Variants in TRMT9B observed in about 807,000 individuals in gnomAD.
TRMT9B encodes probable tRNA methyltransferase 9B.
Under a neutral mutation model 11.5 loss-of-function variants are expected in TRMT9B, and 16 were observed. The observed-to-expected ratio is 1.39, with a 90% CI of 0.94 to 2.11. TRMT9B has a LOEUF of 2.11. TRMT9B is among the 30% of genes most tolerant of loss of function. The probability of loss-of-function intolerance (pLI) is 0.00; values close to 1 mark genes in which losing one functional copy is unlikely to be tolerated. For missense variants in TRMT9B, 941 were observed against 553.8 expected (o/e 1.70, Z -7.02); for synonymous variants, 274 against 192.4 (o/e 1.42, Z -3.51).
At chr8:12,959,073 C>T (rs1219047705) in intron 1 of TRMT9B, among the ~76,000 whole-genome samples, 1 of 151,980 alleles carries the variant, frequency 6.6e-6, no homozygotes, top group Non-Finnish European at 1.5e-5. Context: ...GCACATGTAC[C>T]CTAGAACTTA....
At chr8:12,968,029 C>T (rs952611246) in intron 1 of TRMT9B, among the ~76,000 whole-genome samples, 1 of 152,154 alleles carries the variant, frequency 6.6e-6, no homozygotes, top group Non-Finnish European at 1.5e-5. Context: ...GGACTACAGG[C>T]ACACACCACC....
chr8:12,963,874 C>G (rs555448730), intron 1 of TRMT9B, among the ~76,000 whole-genome samples: 2 of 152,226 alleles, frequency 1.3e-5, no homozygotes, highest in Admixed American at 1.3e-4. Flanking sequence ...CATGATAGAT[C>G]TGTGGACATG....
At chr8:13,006,780 T>C in intron 3 of TRMT9B, 1 of 520,378 alleles carries the variant, frequency 1.9e-6, no homozygotes, top group Non-Finnish European at 2.8e-6. Flanking sequence ...CTGATTCTCC[T>C]GCCTCAGACT....
At chr8:12,980,955 T>G (rs942530001) in intron 1 of TRMT9B, among the ~76,000 whole-genome samples, 2 of 152,216 alleles carry the variant, frequency 1.3e-5, no homozygotes, top group African/African-American at 4.8e-5. Flanking sequence ...TGTGTTTCTT[T>G]GATCACTGCA....
At chr8:12,969,689 G>T (rs1803316065) in intron 1 of TRMT9B, among the ~76,000 whole-genome samples, 1 of 151,096 alleles carries the variant, frequency 6.6e-6, no homozygotes, top group African/African-American at 2.4e-5. Flanking sequence ...TTTAGAGAGT[G>T]AGTGTCTCTC....
intron 1 of TRMT9B, among the ~76,000 whole-genome samples, chr8:12,977,347 G>T (rs118111649): frequency 6.6e-6 from 1 of 152,154 alleles, no homozygotes; most frequent in Non-Finnish European, 1.5e-5. Flanking sequence ...CACGACCCCA[G>T]TGGAGCAAGC....
chr8:13,023,853 G>A lies in TRMT9B; in HGVS notation c.*1809G>A, dbSNP rs1025391131. The A allele has an allele frequency of 2.4e-5, 4 of 166,690 alleles. No homozygotes were observed. Among genetic ancestry groups the A allele is most frequent in the African/African-American group, 9.7e-5 (4 of 41,364 alleles). The allele number at this position is 166,690 out of a possible 1,614,324, so 10.3% of individuals were successfully genotyped here. A position where few individuals can be genotyped will look rare whatever the true frequency, so the allele number is the denominator to read the frequency against. The stretch of plus-strand genomic sequence containing the variant: ...ATATTTTTAAAGCGTATCTGAAAAC[G>A]ATTGATGTTTATAACTCTCTTTTGG... On this transcript the variant is annotated 3_prime_UTR_variant, in exon 5 of 5. Coordinates refer to ENST00000524591, the MANE Select transcript of TRMT9B (RefSeq NM_020844.3).
chr8:12,987,074 G>A (rs1056809781), intron 1 of TRMT9B, among the ~76,000 whole-genome samples: 10 of 152,034 alleles, frequency 6.6e-5, no homozygotes, highest in East Asian at 1.9e-4. Flanking sequence ...CTCTTATTTC[G>A]CCATTTGCTT....
At chr8:12,973,431 C>G (rs1803938075) in intron 1 of TRMT9B, among the ~76,000 whole-genome samples, 1 of 152,176 alleles carries the variant, frequency 6.6e-6, no homozygotes. Flanking sequence ...ACACAGTGGT[C>G]TGGACCAAGC....
At chr8:13,020,326 A>G (rs910611349) in intron 4 of TRMT9B, among the ~76,000 whole-genome samples, 1 of 152,240 alleles carries the variant, frequency 6.6e-6, no homozygotes, top group Non-Finnish European at 1.5e-5. Flanking sequence ...GGCAGATAAA[A>G]TTATGCCTAA....
chr8:12,979,223 G>T (rs1289090550), intron 1 of TRMT9B, among the ~76,000 whole-genome samples: 1 of 152,090 alleles, frequency 6.6e-6, no homozygotes, highest in Non-Finnish European at 1.5e-5. Flanking sequence ...CTGTTCTCAG[G>T]GCCCAGTTTT....
chr8:12,985,985 C>T (rs931921625), intron 1 of TRMT9B, among the ~76,000 whole-genome samples: 7 of 152,108 alleles, frequency 4.6e-5, no homozygotes, highest in Non-Finnish European at 1.0e-4. Flanking sequence ...CCTCAGCCTC[C>T]TGAGCAGCTG....
intron 1 of TRMT9B, among the ~76,000 whole-genome samples, chr8:12,989,550 T>C (rs1308217815): frequency 6.6e-6 from 1 of 152,162 alleles, no homozygotes; most frequent in African/African-American, 2.4e-5. Flanking sequence ...GTACTCTTAC[T>C]GATGGGGGCG....
At chr8:12,986,899 G>A (rs1207979561) in intron 1 of TRMT9B, among the ~76,000 whole-genome samples, 1 of 151,886 alleles carries the variant, frequency 6.6e-6, no homozygotes, top group Admixed American at 6.6e-5. Context: ...TGCCTTCATT[G>A]TGGACCCATC....
intron 1 of TRMT9B, among the ~76,000 whole-genome samples, chr8:12,949,505 A>G (rs1800434253): frequency 6.6e-6 from 1 of 152,132 alleles, no homozygotes; most frequent in Admixed American, 6.5e-5. Flanking sequence ...CCTTTCCCAC[A>G]ACCATTACCC....
intron 1 of TRMT9B, among the ~76,000 whole-genome samples, chr8:12,967,544 C>G (rs1478823824): frequency 6.6e-6 from 1 of 152,174 alleles, no homozygotes; most frequent in Non-Finnish European, 1.5e-5. Flanking sequence ...CAACTCAGAC[C>G]CTCTTCAATT....
chr8:12,994,349 T>A (rs1478793539), intron 2 of TRMT9B, among the ~76,000 whole-genome samples: 2 of 152,170 alleles, frequency 1.3e-5, no homozygotes, highest in African/African-American at 4.8e-5. Flanking sequence ...AAAATAAAAC[T>A]TTTTTATTTT....
chr8:13,005,959 A>T (rs1261798650), intron 2 of TRMT9B, among the ~76,000 whole-genome samples: 1 of 152,234 alleles, frequency 6.6e-6, no homozygotes, highest in African/African-American at 2.4e-5. Flanking sequence ...TTACACAATA[A>T]TTAGCTCTTT....
chr8:12,976,611 A>T (rs752821862), intron 1 of TRMT9B, among the ~76,000 whole-genome samples: 2 of 152,138 alleles, frequency 1.3e-5, no homozygotes, highest in Non-Finnish European at 2.9e-5. Flanking sequence ...AAATAAAAAT[A>T]ACATATCAGT....
Sources: allele counts gnomAD v4.1 joint callset (sites outside exome capture counted in the v4.1 genomes callset), GRCh38; gene constraint gnomAD v4.1.1; transcripts MANE v1.5; gene names NCBI Gene and HGNC (gene_info 2026-07-23, HGNC 2026-07-21).